The following CAMSAP1 variants were observed in gnomAD, a reference collection of about 807,000 sequenced individuals.
The protein encoded by CAMSAP1 is calmodulin regulated spectrin associated protein 1, also known as calmodulin-regulated spectrin-associated protein 1.
Under a neutral mutation model 143.5 loss-of-function variants are expected in CAMSAP1, and 58 were observed. The ratio of observed to expected loss-of-function variants is 0.40; its 90% CI spans 0.33 to 0.50. The LOEUF (loss-of-function observed/expected upper bound fraction) is 0.50. Among genes scored for constraint, CAMSAP1 ranks in the 20% least tolerant of loss-of-function variants. The pLI, the probability that CAMSAP1 is intolerant of heterozygous loss-of-function variation, is 0.45. For missense variants in CAMSAP1, 1,969 were observed against 2,115.7 expected, an observed-to-expected ratio of 0.93 and a Z score of 1.36; for synonymous variants, 945 against 859.3, an observed-to-expected ratio of 1.10 and a Z score of -1.74.
At chr9:135,866,784 C>T (rs558460514) in intron 3 of CAMSAP1, among the ~76,000 whole-genome samples, 3 of 152,286 alleles carry the variant, frequency 2.0e-5, no homozygotes, top group African/African-American at 7.2e-5. Flanking sequence ...AGTGCTCCCC[C>T]GTCACTGCGG....
intron 7 of CAMSAP1, among the ~76,000 whole-genome samples, chr9:135,847,426 A>G (rs1162463460): frequency 9.2e-5 from 14 of 152,122 alleles, no homozygotes; most frequent in African/African-American, 3.4e-4. Context: ...TGTTTACTGC[A>G]GCACTATTCA....
Position 135,820,874 on chromosome 9 carries a change from C to A in CAMSAP1, c.3787G>T (p.Gly1263Cys). ...AAGCCGACCCCCGGCTTCTGGTCGCCTTCGCTGACAAGGTCCGCCGAGCCA... is the reference window on the plus strand; with the variant it reads ...AAGCCGACCCCCGGCTTCTGGTCGCATTCGCTGACAAGGTCCGCCGAGCCA... ...LDGSADLVSE[G>C]DQKPGVGFFF... The change falls in exon 11 of 17, where the codon GGC becomes TGC. Residue 1263 changes from glycine (G) to cysteine (C), a missense_variant. By Grantham distance (159) the Gly-to-Cys change is radical. This residue lies in a region of CAMSAP1 where 1,390 missense variants were observed against 1,420.8 expected (regional missense o/e 0.98). Coordinates refer to ENST00000389532, the MANE Select transcript of CAMSAP1 (RefSeq NM_015447.4). The surrounding 1 kb of genome is among the most constrained non-coding windows in gnomAD (Gnocchi z 4.4). 3 of 1,613,600 alleles carry A rather than the reference C, an allele frequency of 1.9e-6. No homozygotes were observed. The South Asian group carries it at 3.3e-5, about 18-fold the overall frequency.
intron 7 of CAMSAP1, among the ~76,000 whole-genome samples, chr9:135,831,227 C>G (rs1835849345): frequency 6.6e-6 from 1 of 152,182 alleles, no homozygotes; most frequent in South Asian, 2.1e-4. Flanking sequence ...CTAAACAACA[C>G]ATTCTTAAGC....
chr9:135,818,923 A>G lies in CAMSAP1; in HGVS notation c.3959+87T>C. On this transcript the variant is annotated intron_variant, in intron 12 of 16. Transcript: ENST00000389532. The surrounding 1 kb of genome is among the most constrained non-coding windows in gnomAD (Gnocchi z 7.7). ...TCACAGGCACTCATTGCCATGGTCC[A>G]TGCTCAGTGCCAGCAACGGGACCGG... 1.3e-6 allele frequency: 2 copies of G among 1,537,650 alleles called. No homozygotes were observed. Among genetic ancestry groups the G allele is most frequent in the Non-Finnish European group, 1.7e-6 (2 of 1,145,110 alleles).
intron 16 of CAMSAP1, among the ~76,000 whole-genome samples, chr9:135,814,682 G>C (rs528136518): frequency 1.1e-4 from 17 of 152,134 alleles, no homozygotes; most frequent in African/African-American, 4.1e-4. Context: ...CACCGCTCCA[G>C]CCCTGGCCCC....
chr9:135,877,777 C>G (rs2130972649), intron 3 of CAMSAP1, among the ~76,000 whole-genome samples: 1 of 152,222 alleles, frequency 6.6e-6, no homozygotes, highest in South Asian at 2.1e-4. Context: ...CACAACTGCA[C>G]TCCAGCCTGG....
intron 1 of CAMSAP1, among the ~76,000 whole-genome samples, chr9:135,891,048 G>A (rs1019479689): frequency 1.3e-5 from 2 of 152,236 alleles, no homozygotes; most frequent in African/African-American, 4.8e-5. Context: ...GGACTCCTCA[G>A]GTTCGTTTTC....
chr9:135,894,862 T>C (rs904658773), intron 1 of CAMSAP1, among the ~76,000 whole-genome samples: 2 of 152,222 alleles, frequency 1.3e-5, no homozygotes, highest in Non-Finnish European at 2.9e-5. Flanking sequence ...GCAACTGGCA[T>C]GAAATCACTC....
In CAMSAP1 at chr9:135,878,059, C is replaced by T. The variant is rs150281279; in HGVS notation, c.585+3574G>A. ...TGGGGAAAGCGCTTCCATCTAGTTA[C>T]ACAATCACCAGGGAAAGGTGGAGGA... On this transcript the variant is annotated intron_variant, in intron 3 of 16. Coordinates refer to ENST00000389532, the MANE Select transcript of CAMSAP1 (RefSeq NM_015447.4). 2.1e-3 allele frequency among the ~76,000 whole-genome samples: 319 copies of T among 152,300 alleles called. 1 individual carries two copies. The highest frequency in any genetic ancestry group is 6.5e-3 in the African/African-American group (271 of 41,574).
chr9:135,814,052 C>T (rs781347635), intron 16 of CAMSAP1, among the ~76,000 whole-genome samples: 2 of 152,214 alleles, frequency 1.3e-5, no homozygotes, highest in Non-Finnish European at 2.9e-5. Context: ...CGAGTCCTTC[C>T]AGTGCATCTC....
chr9:135,861,298 T>G (rs919487959), intron 5 of CAMSAP1, among the ~76,000 whole-genome samples: 2 of 147,578 alleles, frequency 1.4e-5, no homozygotes, highest in African/African-American at 5.0e-5. Context: ...CCTGAGGCTC[T>G]CTCCTTCTTC....
chr9:135,874,652 T>C (rs758794195), intron 3 of CAMSAP1, among the ~76,000 whole-genome samples: 1 of 151,782 alleles, frequency 6.6e-6, no homozygotes, highest in Non-Finnish European at 1.5e-5. Context: ...CTATCTGAGG[T>C]ACTAAACAGT....
chr9:135,890,442 G>A lies in CAMSAP1; in HGVS notation c.161-7364C>T, dbSNP rs1315363520. On this transcript the variant is annotated intron_variant, in intron 1 of 16. Transcript: ENST00000389532. The stretch of plus-strand genomic sequence containing the variant: ...TCCTGGACCGCGGTTTCCCCCTGAG[G>A]GCGCCTGGGAGGAGCTGTCCGTGCC... 2.0e-5 allele frequency among the ~76,000 whole-genome samples: 3 copies of A among 152,160 alleles called. 1 individual carries two copies. The highest frequency in any genetic ancestry group is 4.4e-5 in the Non-Finnish European group (3 of 68,034).
rs749209361 is a variant in CAMSAP1 at position 135,821,233 on chromosome 9, C to T, written c.3428G>A (p.Arg1143Gln). The change falls in exon 11 of 17, where the codon CGG becomes CAG. Residue 1143 changes from arginine to glutamine, a missense_variant. Transcript: ENST00000389532. The surrounding 1 kb of genome is among the most constrained non-coding windows in gnomAD (Gnocchi z 4.6). ...GTCCAGGCCAGGGTCCGTGGGCGTCCGAGGGTGGCTGCTGGCAGGGAAGGG... is the reference window on the plus strand; with the variant it reads ...GTCCAGGCCAGGGTCCGTGGGCGTCTGAGGGTGGCTGCTGGCAGGGAAGGG... ...LRPFPASSHP[R>Q]TPTDPGLDSA... 42 of 1,608,004 alleles carry T rather than the reference C, an allele frequency of 2.6e-5. No homozygotes were observed. The highest frequency in any genetic ancestry group is 5.3e-5 in the African/African-American group (4 of 74,938).
chr9:135,867,938 C>T (rs760874338), intron 3 of CAMSAP1, among the ~76,000 whole-genome samples: 15 of 152,162 alleles, frequency 9.9e-5, no homozygotes, highest in Non-Finnish European at 2.2e-4. Context: ...AGGCTGCAGA[C>T]AAGACAACGG....
rs1202365886 is a variant in CAMSAP1 at position 135,824,433 on chromosome 9, G to A, written c.1315+356C>T. On this transcript the variant is annotated intron_variant, in intron 9 of 16. Coordinates refer to ENST00000389532, the MANE Select transcript of CAMSAP1 (RefSeq NM_015447.4). The surrounding 1 kb of genome is among the most constrained non-coding windows in gnomAD (Gnocchi z 4.1). ...TGTAATTCCAGCACTCTGGGAGGCC[G>A]AGGTGGGCAGATCATGAGGCTAGGA... Among the ~76,000 whole-genome samples, 4 of 152,180 alleles carry A rather than the reference G, an allele frequency of 2.6e-5. No homozygotes were observed. The highest frequency in any genetic ancestry group is 1.3e-4 in the Admixed American group (2 of 15,288).
rs141876676 is a variant in CAMSAP1, at chr9:135,826,442, C to T, written c.1223+965G>A. 2.9e-3 allele frequency: 447 copies of T among 152,572 alleles called. 1 individual carries two copies. The highest frequency in any genetic ancestry group is 0.022 in the South Asian group (107 of 4,824). 9.5% of individuals were successfully genotyped at this position (152,572 alleles called of 1,614,324 possible). A position where few individuals can be genotyped will look rare whatever the true frequency, so the allele number is the denominator to read the frequency against. ...ATCCAAACCCCTCCCTCAGCTATGC[C>T]CCACCCCTGGGTGTGTACCCCCCCA... is the stretch of plus-strand genomic sequence containing the variant. On this transcript the variant is annotated intron_variant, in intron 8 of 16. Transcript: ENST00000389532. The surrounding 1 kb of genome is among the most constrained non-coding windows in gnomAD (Gnocchi z 4.4).
At chr9:135,862,008 T>C (rs770545349) in intron 5 of CAMSAP1, among the ~76,000 whole-genome samples, 10 of 152,218 alleles carry the variant, frequency 6.6e-5, no homozygotes, top group Non-Finnish European at 1.0e-4. Context: ...TTTGCATTAA[T>C]TTTCCCATCC....
Position 135,907,311 on chromosome 9 carries a change from A to AGCCGCCGCC in CAMSAP1, c.-161_-153dup, listed in dbSNP as rs923414104. The AGCCGCCGCC allele has an allele frequency of 4.7e-5, 14 of 297,502 alleles. No homozygotes were observed. Among genetic ancestry groups the AGCCGCCGCC allele is most frequent in the Non-Finnish European group, 6.4e-5 (13 of 203,854 alleles). 18.4% of individuals were successfully genotyped at this position (297,502 alleles called of 1,614,324 possible). A position where few individuals can be genotyped will look rare whatever the true frequency, so the allele number is the denominator to read the frequency against. ...GAGCGCGGCCCCCGCCTCACCTCAC[A>AGCCGCCGCC]GCCGCCGCCGTCGCCGCCCCCGCGG... is the stretch of plus-strand genomic sequence containing the variant. On this transcript the variant is annotated 5_prime_UTR_variant, in exon 1 of 17. Transcript: ENST00000389532.
Sources: allele counts gnomAD v4.1 joint callset (sites outside exome capture counted in the v4.1 genomes callset), GRCh38; gene constraint gnomAD v4.1.1; regional missense constraint gnomAD v4.1.1; non-coding constraint Gnocchi (gnomAD v3.1); transcripts MANE v1.5; gene names NCBI Gene and HGNC (gene_info 2026-07-23, HGNC 2026-07-21).